The following NOTCH1 variants were observed in gnomAD, a reference collection of about 807,000 sequenced individuals.
The protein encoded by NOTCH1 is neurogenic locus notch homolog protein 1.
In NOTCH1, 37 loss-of-function variants were observed where a neutral mutation model predicts 254.8. The observed-to-expected ratio is 0.15, with a 90% CI of 0.11 to 0.19. NOTCH1 has a LOEUF of 0.19. NOTCH1 is among the 10% of genes least tolerant of loss of function. The probability of loss-of-function intolerance (pLI) is 1.00; values close to 1 mark genes in which losing one functional copy is unlikely to be tolerated. For missense variants in NOTCH1, 2,972 were observed against 3,708.6 expected, an observed-to-expected ratio of 0.80 and a Z score of 5.16; for synonymous variants, 1,731 against 1,618.1, an observed-to-expected ratio of 1.07 and a Z score of -1.68.
intron 9 of NOTCH1, 28 bp downstream of exon 9, chr9:136,517,243 CG>C (rs1281471528): frequency 2.0e-6 from 3 of 1,469,102 alleles, no homozygotes; most frequent in South Asian, 1.2e-5. Flanking sequence ...GCAGACGACC[CG>C]GGGGCAGGGG....
intron 17 of NOTCH1, 23 bp from the exon 18 acceptor site, chr9:136,509,984 G>C (rs373832444): frequency 6.2e-6 from 10 of 1,604,874 alleles, no homozygotes; most frequent in African/African-American, 1.3e-5. Flanking sequence ...GGAAGGGTGA[G>C]TGTGAGGGGC....
chr9:136,501,938 C>T (rs2133329458), intron 29 of NOTCH1, 25 bp from the exon 30 acceptor site: 1 of 1,611,500 alleles, frequency 6.2e-7, no homozygotes, highest in Non-Finnish European at 8.5e-7. Flanking sequence ...TGAGCAGAGC[C>T]TGTCAGGGCA....
At chr9:136,527,562 C>T (rs1416893691) in intron 2 of NOTCH1, among the ~76,000 whole-genome samples, 3 of 152,174 alleles carry the variant, frequency 2.0e-5, no homozygotes, top group Admixed American at 2.0e-4. Context: ...CCCTCTGGGG[C>T]TAAAAAGTGA....
At chr9:136,526,736 C>T (rs566361100) in intron 2 of NOTCH1, among the ~76,000 whole-genome samples, 5 of 152,346 alleles carry the variant, frequency 3.3e-5, no homozygotes, top group African/African-American at 7.2e-5. Context: ...TCTGCCCAAC[C>T]GGACGCATCC....
rs907079963 is a variant in NOTCH1, at chr9:136,513,277, C to T, written c.2353+115G>A. On this transcript the variant is annotated intron_variant, in intron 14 of 33. Transcript: ENST00000651671. This position sits in a 1 kb window ranked among gnomAD's most constrained non-coding sequence, Gnocchi z 4.7. Reference sequence around the variant, plus strand: ...CAGAGGCCTGGAGCTAAGGCTTTGCCACGGGAGGGAGACACCATGCATGGT... The same window carrying T: ...CAGAGGCCTGGAGCTAAGGCTTTGCTACGGGAGGGAGACACCATGCATGGT... The T allele has an allele frequency of 9.1e-6, 14 of 1,542,968 alleles. No individual in the cohort carries two copies. The highest frequency in any genetic ancestry group is 3.7e-4 in the Middle Eastern group (2 of 5,400).
At chr9:136,501,586 AC>A (rs770349505) in intron 30 of NOTCH1, among the ~76,000 whole-genome samples, 161 bp downstream of exon 30, 2 of 151,636 alleles carry the variant, frequency 1.3e-5, no homozygotes, top group East Asian at 1.9e-4. Flanking sequence ...GGACTCCAGG[AC>A]CCCCCCACGT....
chr9:136,543,842 G>A (rs1843769458), intron 2 of NOTCH1, 182 bp downstream of exon 2: 1 of 697,056 alleles, frequency 1.4e-6, no homozygotes, highest in Non-Finnish European at 2.6e-6. Flanking sequence ...TCCACACGCA[G>A]CATAATTGCT....
At chr9:136,497,706 C>T (rs2070677070) in intron 33 of NOTCH1, 148 bp from the exon 34 acceptor site, 3 of 639,360 alleles carry the variant, frequency 4.7e-6, no homozygotes, top group Non-Finnish European at 8.1e-6. Context: ...ACCCCAGCGT[C>T]CTGCAACCAC....
chr9:136,511,926 T>C (rs553675656), intron 15 of NOTCH1, among the ~76,000 whole-genome samples: 33 of 152,370 alleles, frequency 2.2e-4, no homozygotes, highest in Non-Finnish European at 4.1e-4. Flanking sequence ...CACAAGCCCA[T>C]GGCCGAGCTT....
At position 136,494,592 on chromosome 9, in the gene NOTCH1, G is replaced by A. The variant is rs944298191; in HGVS notation, c.*1479C>T. The A allele has an allele frequency of 5.0e-6, 2 of 398,836 alleles. No homozygotes were observed. The highest frequency in any genetic ancestry group is 8.8e-6 in the Non-Finnish European group (2 of 226,072). 24.7% of individuals were successfully genotyped at this position (398,836 alleles called of 1,614,324 possible). ...AAAACACAGTAAAAATCAACATCTT[G>A]GGACGCATCTGGTCATGCCCCCTGG... On this transcript the variant is annotated 3_prime_UTR_variant, in exon 34 of 34. Coordinates refer to ENST00000651671, the MANE Select transcript of NOTCH1 (RefSeq NM_017617.5).
chr9:136,500,945 G>A, intron 30 of NOTCH1, 98 bp from the exon 31 acceptor site: 2 of 1,356,312 alleles, frequency 1.5e-6, no homozygotes, highest in South Asian at 1.4e-5. Flanking sequence ...GGGCCACGGT[G>A]TGGATGCACC....
rs2133328514 is a variant in NOTCH1, at chr9:136,501,762, T to C, written c.5624A>G (p.Asn1875Ser). 2 of 1,611,964 alleles carry C rather than the reference T, an allele frequency of 1.2e-6. No individual in the cohort carries two copies. Among genetic ancestry groups the C allele is most frequent in the East Asian group, 2.2e-5 (1 of 44,878 alleles). ...GEVDADCMDVNVRGPDGFTPL... is the reference protein window; with the variant it reads ...GEVDADCMDVSVRGPDGFTPL... ...GGCACCCTTACCAGGCCCGCGGACA[T>C]TGACGTCCATGCAGTCGGCGTCAAC... The change falls in exon 30 of 34, where the codon AAT (asparagine) becomes AGT (serine). Residue 1875 changes from asparagine to serine, a missense_variant. Around this residue, in one of 8 missense-constraint regions of NOTCH1, gnomAD observed 421 missense variants for 604.4 expected, o/e 0.70. Transcript: ENST00000651671.
At position 136,515,516 on chromosome 9, in the gene NOTCH1, C is replaced by T. The variant is rs372771179; in HGVS notation, c.1870G>A (p.Ala624Thr). ...HGGTCQDRDN[A>T]YLCFCLKGTT... The stretch of plus-strand genomic sequence containing the variant: ...CCCTTCAGGCAGAAGCAGAGGTAGG[C>T]GTTGTCGCGGTCCTGGCAGGTGCCC... Residue 624 changes from alanine (A) to threonine (T), a missense_variant, in exon 11 of 34, where the codon GCC becomes ACC. Transcript: ENST00000651671. The T allele has an allele frequency of 1.6e-5, 25 of 1,611,808 alleles. No individual in the cohort carries two copies. In the African/African-American group the frequency reaches 1.6e-4, roughly 10 times the overall value.
chr9:136,526,737 G>C (rs1329011800), intron 2 of NOTCH1, among the ~76,000 whole-genome samples: 5 of 152,198 alleles, frequency 3.3e-5, no homozygotes, highest in Non-Finnish European at 7.4e-5. Context: ...CTGCCCAACC[G>C]GACGCATCCC....
At chr9:136,543,355 A>AGGCATCACCCACCCAGGAGGT (rs1332739429) in intron 2 of NOTCH1, 5 of 238,452 alleles carry the variant, frequency 2.1e-5, no homozygotes, top group African/African-American at 9.7e-5. Flanking sequence ...CACCCAGAGG[A>AGGCATCACCCACCCAGGAGGT]GGCATCACCC....
At position 136,497,397 on chromosome 9, in the gene NOTCH1, G is replaced by A. The variant is rs746682300; in HGVS notation, c.6342C>T (p.Asp2114=). The change falls in exon 34 of 34, where the codon GAC becomes GAT. Residue 2114 remains aspartate (D), a synonymous_variant. Coordinates refer to ENST00000651671, the MANE Select transcript of NOTCH1 (RefSeq NM_017617.5). ...RMHHDIVRLL[D]EYNLVRSPQL... The stretch of plus-strand genomic sequence containing the variant: ...GCGGGCTGCGCACCAGGTTGTACTC[G>A]TCCAGCAGCCTCACGATGTCGTGAT... 1.8e-5 allele frequency: 29 copies of A among 1,610,436 alleles called. No homozygotes were observed. The highest frequency in any genetic ancestry group is 2.2e-5 in the South Asian group (2 of 91,080).
At chr9:136,515,830 T>G in intron 10 of NOTCH1, 114 bp from the exon 11 acceptor site, 1 of 1,185,630 alleles carries the variant, frequency 8.4e-7, no homozygotes, top group Non-Finnish European at 1.2e-6. Flanking sequence ...GAGCGTGGCA[T>G]TCCCACCTAC....
Position 136,512,406 on chromosome 9 carries a change from T to C in NOTCH1, c.2467+615A>G, listed in dbSNP as rs961616827. ...GGGAGCGCCAGGACCCCGGTGCTTG[T>C]GGACTCTTCTTTGTCTTTTCTAGAG... On this transcript the variant is annotated intron_variant, in intron 15 of 33. Transcript: ENST00000651671. Among the ~76,000 whole-genome samples, 5 of 152,304 alleles carry C rather than the reference T, an allele frequency of 3.3e-5. No homozygotes were observed. In the South Asian group the frequency reaches 8.3e-4, roughly 25 times the overall value.
intron 2 of NOTCH1, among the ~76,000 whole-genome samples, chr9:136,529,765 G>C (rs1426458678): frequency 6.6e-6 from 1 of 152,258 alleles, no homozygotes; most frequent in Non-Finnish European, 1.5e-5. Context: ...TCTGCTCCCG[G>C]CTTCCTTCCC....
Sources: allele counts gnomAD v4.1 joint callset (sites outside exome capture counted in the v4.1 genomes callset), GRCh38; gene constraint gnomAD v4.1.1; regional missense constraint gnomAD v4.1.1; non-coding constraint Gnocchi (gnomAD v3.1); transcripts MANE v1.5; gene names NCBI Gene and HGNC (gene_info 2026-07-23, HGNC 2026-07-21).